TBXAS1: variants seen among roughly 807,000 people sequenced by gnomAD.
TBXAS1 encodes thromboxane-A synthase.
A neutral mutation model predicts 60.7 loss-of-function variants in TBXAS1; 48 were observed. That is an observed-to-expected ratio of 0.79 (90% CI 0.63 to 1.01). The LOEUF is 1.01. Among genes scored for constraint, TBXAS1 ranks in the 50% least tolerant of loss-of-function variants. The pLI, the probability that TBXAS1 is intolerant of heterozygous loss-of-function variation, is 0.00. For missense variants in TBXAS1, 685 were observed against 686.3 expected, an observed-to-expected ratio of 1.00 and a Z score of 0.02; for synonymous variants, 287 against 269.7, an observed-to-expected ratio of 1.06 and a Z score of -0.63.
chr7:139,819,675 G>T (rs1004016240), intron 4 of TBXAS1, among the ~76,000 whole-genome samples: 1 of 152,002 alleles, frequency 6.6e-6, no homozygotes, highest in Non-Finnish European at 1.5e-5. Context: ...GCTAATTTTT[G>T]TATTTTTAGT....
intron 5 of TBXAS1, among the ~76,000 whole-genome samples, chr7:139,949,885 C>T (rs752435666): frequency 5.9e-5 from 9 of 152,204 alleles, no homozygotes; most frequent in East Asian, 1.9e-4. Flanking sequence ...AATGATTCTG[C>T]GGCTACCTAA....
At chr7:139,847,514 C>T (rs142691826) in intron 1 of TBXAS1, among the ~76,000 whole-genome samples, 1 of 152,210 alleles carries the variant, frequency 6.6e-6, no homozygotes, top group African/African-American at 2.4e-5. Flanking sequence ...ACAACTGAGC[C>T]AGCCAACTAA....
At chr7:139,804,580 C>T (rs750708720) in intron 4 of TBXAS1, among the ~76,000 whole-genome samples, 1 of 152,176 alleles carries the variant, frequency 6.6e-6, no homozygotes. Flanking sequence ...GCTGTGTCCC[C>T]ACCCAAATCT....
intron 1 of TBXAS1, among the ~76,000 whole-genome samples, chr7:139,844,651 A>G (rs1446314655): frequency 6.6e-6 from 1 of 152,192 alleles, no homozygotes; most frequent in Non-Finnish European, 1.5e-5. Flanking sequence ...TACCTTCACA[A>G]ATCAGTAGGC....
At chr7:139,957,057 C>T (rs1809922633) in intron 7 of TBXAS1, among the ~76,000 whole-genome samples, 1 of 152,212 alleles carries the variant, frequency 6.6e-6, no homozygotes, top group South Asian at 2.1e-4. Context: ...GCAGCCCGAT[C>T]CCCAGCACAT....
chr7:139,879,881 T>G (rs1036446319), intron 3 of TBXAS1, among the ~76,000 whole-genome samples: 57 of 141,608 alleles, frequency 4.0e-4, no homozygotes, highest in Non-Finnish European at 6.4e-4. Context: ...TGTGTGTGTT[T>G]TGTTTTGTTT....
In TBXAS1 at chr7:139,872,594, C is replaced by T. The variant is rs966964112; in HGVS notation, c.183+266C>T. 3.3e-5 allele frequency among the ~76,000 whole-genome samples: 5 copies of T among 152,178 alleles called. No homozygotes were observed. The South Asian group carries it at 1.0e-3, about 31-fold the overall frequency. On this transcript the variant is annotated intron_variant, in intron 2 of 12. Transcript: ENST00000448866. ...ACTTGAACCCAGGAGGTGGAGGTTG[C>T]ACTGAGCCGAGATTGCACCATTGCA...
At chr7:139,925,518 C>A (rs1293088322) in intron 4 of TBXAS1, among the ~76,000 whole-genome samples, 1 of 152,092 alleles carries the variant, frequency 6.6e-6, no homozygotes, top group Non-Finnish European at 1.5e-5. Flanking sequence ...TTACTGAATT[C>A]ATTTATGAGA....
In TBXAS1 at chr7:139,814,642, C is replaced by G. The variant is rs144802026; in HGVS notation, c.-79-14670C>G. Among the ~76,000 whole-genome samples, 3 of 152,230 alleles carry G rather than the reference C, an allele frequency of 2.0e-5. No homozygotes were observed. The East Asian group carries it at 5.8e-4, about 29-fold the overall frequency. ...GCCTTGGGGAAATATGACACAGATT[C>G]TAGAGCTGAGCAACAAGACAAAGCA... is the stretch of plus-strand genomic sequence containing the variant. On this transcript the variant is annotated intron_variant, in intron 4 of 16. Transcript: ENST00000336425.
rs5761 is a variant in TBXAS1 at position 140,007,159 on chromosome 7, G to A, written c.1203G>A (p.Leu401=). The A allele has an allele frequency of 6.5e-4, 1,053 of 1,614,126 alleles. 7 individuals are homozygous for A. The African/African-American group carries it at 0.012, about 19-fold the overall frequency. The change falls in exon 10 of 13, where the codon CTG becomes CTA. Residue 401 remains leucine, a synonymous_variant. Coordinates refer to ENST00000448866, the MANE Select transcript of TBXAS1 (RefSeq NM_001061.7). ...TGGACATGGTGATTGCAGAGACGCT[G>A]AGGATGTACCCGCCAGCTTTCAGGT... The part of the protein sequence containing the change: ...PYLDMVIAET[L]RMYPPAFRFT...
At chr7:139,925,398 T>C (rs1215978807) in intron 4 of TBXAS1, among the ~76,000 whole-genome samples, 1 of 152,198 alleles carries the variant, frequency 6.6e-6, no homozygotes, top group African/African-American at 2.4e-5. Context: ...TTCATTTTAT[T>C]TGTGGCTATT....
intron 3 of TBXAS1, 142 bp downstream of exon 3, chr7:139,875,779 A>G: frequency 9.1e-7 from 1 of 1,102,558 alleles, no homozygotes; most frequent in Non-Finnish European, 1.3e-6. Context: ...AAGGGCCCAC[A>G]AAGAGGGAGT....
At chr7:139,940,030 G>C (rs1442375309) in intron 5 of TBXAS1, among the ~76,000 whole-genome samples, 1 of 152,236 alleles carries the variant, frequency 6.6e-6, no homozygotes, top group Non-Finnish European at 1.5e-5. Flanking sequence ...GCTCCTGAAG[G>C]TGCCTCTGAG....
At chr7:139,874,120 C>T (rs1306831762) in intron 2 of TBXAS1, among the ~76,000 whole-genome samples, 1 of 152,164 alleles carries the variant, frequency 6.6e-6, no homozygotes, top group Non-Finnish European at 1.5e-5. Flanking sequence ...TAAACACCTT[C>T]TCCTCTCATC....
At chr7:139,812,989 G>T (rs368085684) in intron 4 of TBXAS1, among the ~76,000 whole-genome samples, 1 of 151,780 alleles carries the variant, frequency 6.6e-6, no homozygotes, top group African/African-American at 2.4e-5. Flanking sequence ...CCGGGGTGGC[G>T]GAGGTTGCAG....
chr7:139,799,047 A>G (rs1484529079), intron 4 of TBXAS1, among the ~76,000 whole-genome samples: 1 of 140,180 alleles, frequency 7.1e-6, no homozygotes, highest in Non-Finnish European at 1.5e-5. Context: ...GTCACCTTTG[A>G]TTGTCTCTTC....
At chr7:140,017,622 G>T (rs1230801692) in intron 11 of TBXAS1, 49 bp from the exon 12 acceptor site, 1 of 1,607,876 alleles carries the variant, frequency 6.2e-7, no homozygotes. Flanking sequence ...GGGCTGCAGA[G>T]GGGAGGGAGC....
At chr7:139,871,625 C>A (rs1422404876) in intron 1 of TBXAS1, among the ~76,000 whole-genome samples, 2 of 152,200 alleles carry the variant, frequency 1.3e-5, no homozygotes, top group Admixed American at 1.3e-4. Flanking sequence ...AGAAAATATG[C>A]TTCCCATATG....
intron 3 of TBXAS1, among the ~76,000 whole-genome samples, chr7:139,901,752 G>A (rs1462285041): frequency 6.6e-6 from 1 of 151,912 alleles, no homozygotes; most frequent in East Asian, 1.9e-4. Flanking sequence ...ACAAGCCCTC[G>A]AGGCTGGAAA....
Sources: allele counts gnomAD v4.1 joint callset (sites outside exome capture counted in the v4.1 genomes callset), GRCh38; gene constraint gnomAD v4.1.1; transcripts MANE v1.5; gene names NCBI Gene and HGNC (gene_info 2026-07-23, HGNC 2026-07-21).